Variants in AAK1 observed in about 807,000 individuals in gnomAD.
AAK1 encodes AP2 associated kinase 1.
AAK1 carries 37 observed loss-of-function variants against 116.0 expected under a neutral mutation model. That is an observed-to-expected ratio of 0.32 (90% confidence interval 0.25 to 0.42). AAK1 has a LOEUF of 0.42. Ranked by LOEUF, AAK1 falls within the 10% of genes least tolerant of loss-of-function variation. The probability of loss-of-function intolerance (pLI) is 1.00; values close to 1 mark genes in which losing one functional copy is unlikely to be tolerated. For missense variants in AAK1, 919 were observed against 1,170.6 expected, an observed-to-expected ratio of 0.79 and a Z score of 3.14; for synonymous variants, 458 against 439.9, an observed-to-expected ratio of 1.04 and a Z score of -0.51.
chr2:69,519,374 T>C (rs1669649806), intron 11 of AAK1, 134 bp from the exon 12 acceptor site: 1 of 1,245,192 alleles, frequency 8.0e-7, no homozygotes, highest in Non-Finnish European at 1.1e-6. Context: ...CCTCACTGTC[T>C]TTCCACATGC....
At chr2:69,506,849 C>G (rs1352840299) in intron 15 of AAK1, among the ~76,000 whole-genome samples, 1 of 140,486 alleles carries the variant, frequency 7.1e-6, no homozygotes, top group Non-Finnish European at 1.5e-5. Flanking sequence ...AGAATTTGTT[C>G]CAAAGTGTGT....
At chr2:69,626,785 C>A (rs1435864107) in intron 2 of AAK1, among the ~76,000 whole-genome samples, 3 of 151,422 alleles carry the variant, frequency 2.0e-5, no homozygotes, top group African/African-American at 7.3e-5. Flanking sequence ...TAGGCATGGG[C>A]CACCAGGGCA....
intron 2 of AAK1, among the ~76,000 whole-genome samples, chr2:69,603,485 C>T (rs1342074360): frequency 2.0e-5 from 3 of 152,176 alleles, no homozygotes; most frequent in East Asian, 1.9e-4. Flanking sequence ...TATCGCCTCC[C>T]TTTCCATGAT....
At chr2:69,521,011 T>C in intron 10 of AAK1, 23 bp from the exon 11 acceptor site, 2 of 1,613,290 alleles carry the variant, frequency 1.2e-6, no homozygotes, top group Non-Finnish European at 1.7e-6. Context: ...AAGAGAAAGG[T>C]TCATATTAAA....
At position 69,635,812 on chromosome 2, in the gene AAK1, T is replaced by C. The variant is rs562207421; in HGVS notation, c.163+7066A>G. On this transcript the variant is annotated intron_variant, in intron 2 of 21. Coordinates refer to ENST00000409085, the MANE Select transcript of AAK1 (RefSeq NM_014911.5). ...GGTGGGAATGAGAGTTGTCATTTAA[T>C]AGGTACAATTTCAGTTTTACAAGAT... is the stretch of plus-strand genomic sequence containing the variant. Among the ~76,000 whole-genome samples the C allele has an allele frequency of 3.5e-3, 526 of 152,328 alleles. 2 individuals carry two copies. Among genetic ancestry groups the C allele is most frequent in the African/African-American group, 0.012 (501 of 41,562 alleles).
At chr2:69,596,151 G>C (rs1436012290) in intron 2 of AAK1, among the ~76,000 whole-genome samples, 1 of 152,094 alleles carries the variant, frequency 6.6e-6, no homozygotes, top group Non-Finnish European at 1.5e-5. Context: ...GATGCACAAG[G>C]AGATTAATGT....
chr2:69,584,661 G>A (rs926495244), intron 2 of AAK1, among the ~76,000 whole-genome samples: 3 of 152,184 alleles, frequency 2.0e-5, no homozygotes, highest in African/African-American at 7.2e-5. Flanking sequence ...TAGGTGTCAG[G>A]TCAGGCTCTT....
At chr2:69,548,755 C>T (rs1033568849) in intron 3 of AAK1, among the ~76,000 whole-genome samples, 16 of 152,044 alleles carry the variant, frequency 1.1e-4, no homozygotes, top group African/African-American at 3.6e-4. Flanking sequence ...CAGGCATGCA[C>T]CACCACACCC....
At chr2:69,538,959 T>C (rs1670591466) in intron 5 of AAK1, among the ~76,000 whole-genome samples, 1 of 152,182 alleles carries the variant, frequency 6.6e-6, no homozygotes, top group South Asian at 2.1e-4. Context: ...AAGGATCCTC[T>C]GTGTCCCTCT....
chr2:69,629,396 T>C (rs1333648974), intron 2 of AAK1, among the ~76,000 whole-genome samples: 1 of 152,242 alleles, frequency 6.6e-6, no homozygotes, highest in African/African-American at 2.4e-5. Flanking sequence ...TTAGAGTTCC[T>C]TTATATAGCT....
At chr2:69,638,626 G>C (rs10197030) in intron 2 of AAK1, among the ~76,000 whole-genome samples, 12,917 of 152,118 alleles carry the variant, frequency 0.085, 1,140 homozygotes, top group African/African-American at 0.2. Flanking sequence ...TGATGAAAAT[G>C]GTAACACTAA....
At chr2:69,546,250 CAAAG>C (rs1447351351) in intron 3 of AAK1, among the ~76,000 whole-genome samples, 1 of 152,066 alleles carries the variant, frequency 6.6e-6, no homozygotes, top group East Asian at 1.9e-4. Flanking sequence ...ATAGGAATGA[CAAAG>C]AAGTTTGATG....
chr2:69,642,994 A>G lies in AAK1; in HGVS notation c.47T>C (p.Leu16Pro). Reference protein sequence around the residue: ...DSRREQGGSGLGSGSSGGGGS... With the variant: ...DSRREQGGSGPGSGSSGGGGS... Reference sequence around the variant, plus strand: ...CCCTCCTCCGCTGGAGCCGGAGCCCAGGCCAGAGCCGCCCTGCTCTCGCCG... The same window carrying G: ...CCCTCCTCCGCTGGAGCCGGAGCCCGGGCCAGAGCCGCCCTGCTCTCGCCG... Residue 16 changes from leucine to proline, a missense_variant, in exon 2 of 22, where the codon CTG (leucine) becomes CCG (proline). Around this residue, in one of 4 missense-constraint regions of AAK1, gnomAD observed 317 missense variants for 490.4 expected, o/e 0.65. Coordinates refer to ENST00000409085, the MANE Select transcript of AAK1 (RefSeq NM_014911.5). 6.2e-7 allele frequency: 1 copy of G among 1,611,502 alleles called. No individual in the cohort carries two copies. Among genetic ancestry groups the G allele is most frequent in the Non-Finnish European group, 8.5e-7 (1 of 1,179,036 alleles).
At position 69,465,933 on chromosome 2, in the gene AAK1, T is replaced by C. The variant is rs1286175824; in HGVS notation, c.*9936A>G. On this transcript the variant is annotated 3_prime_UTR_variant, in exon 22 of 22. Coordinates refer to ENST00000409085, the MANE Select transcript of AAK1 (RefSeq NM_014911.5). ...GAGACCGGTCTGTGCAGGCAGCTCCTGGGAGGTGCATTGGATAACTGTTAA... is the reference window on the plus strand; with the variant it reads ...GAGACCGGTCTGTGCAGGCAGCTCCCGGGAGGTGCATTGGATAACTGTTAA... 7.7e-7 allele frequency: 1 copy of C among 1,290,890 alleles called. No homozygotes were observed. The highest frequency in any genetic ancestry group is 1.0e-6 in the Non-Finnish European group (1 of 988,868). The allele number at this position is 1,290,890 out of a possible 1,614,324, so 80.0% of individuals were successfully genotyped here.
At chr2:69,627,500 A>G (rs1293756512) in intron 2 of AAK1, among the ~76,000 whole-genome samples, 1 of 152,168 alleles carries the variant, frequency 6.6e-6, no homozygotes, top group Non-Finnish European at 1.5e-5. Context: ...CAACCAAGGG[A>G]AGACAAGAAG....
intron 2 of AAK1, chr2:69,598,331 C>A: frequency 2.9e-6 from 1 of 344,256 alleles, no homozygotes; most frequent in South Asian, 7.3e-5. Context: ...CAGAAGTATC[C>A]TTTCATGGTG....
intron 2 of AAK1, among the ~76,000 whole-genome samples, chr2:69,633,130 A>G (rs933591381): frequency 5.3e-5 from 8 of 151,046 alleles, no homozygotes; most frequent in African/African-American, 1.9e-4. Flanking sequence ...CAGGCAGGAG[A>G]ATGGCATGAA....
At chr2:69,507,863 C>G (rs1421363392) in intron 14 of AAK1, among the ~76,000 whole-genome samples, 1 of 152,068 alleles carries the variant, frequency 6.6e-6, no homozygotes, top group African/African-American at 2.4e-5. Flanking sequence ...CATGCCACCA[C>G]GCCTGGCTAA....
chr2:69,525,288 A>T (rs1047111808), intron 9 of AAK1, among the ~76,000 whole-genome samples, 176 bp from the exon 10 acceptor site: 2 of 152,240 alleles, frequency 1.3e-5, no homozygotes, highest in African/African-American at 4.8e-5. Flanking sequence ...AACCAAATGC[A>T]TATCAGACTC....
Sources: gnomAD v4.1 joint callset for allele counts (sites outside exome capture counted in the v4.1 genomes callset) on GRCh38, gnomAD v4.1.1 for gene constraint, gnomAD v4.1.1 regional missense constraint, MANE v1.5 for transcripts, NCBI Gene and HGNC (gene_info 2026-07-23, HGNC 2026-07-21) for gene names.